Variants in TRHDE observed in about 807,000 individuals in gnomAD.
The protein encoded by TRHDE is thyrotropin-releasing hormone-degrading ectoenzyme.
A neutral mutation model predicts 125.7 loss-of-function variants in TRHDE; 72 were observed. That is an observed-to-expected ratio of 0.57 (90% CI 0.47 to 0.70). The LOEUF (loss-of-function observed/expected upper bound fraction) is 0.70, where lower values mean the gene tolerates loss of function less well. Among genes scored for constraint, TRHDE ranks in the 30% least tolerant of loss-of-function variants. The pLI, the probability that TRHDE is intolerant of heterozygous loss-of-function variation, is 0.00. For synonymous variants in TRHDE, 509 were observed against 509.1 expected (o/e 1.00, Z 0.00); for missense variants, 1,110 against 1,327.1 (o/e 0.84, Z 2.54).
At chr12:72,245,881 T>A (rs565950650) in intron 2 of TRHDE, among the ~76,000 whole-genome samples, 171 of 152,246 alleles carry the variant, frequency 1.1e-3, no homozygotes, top group African/African-American at 4.0e-3. Flanking sequence ...CACCTATATT[T>A]AGTCAAGGTA....
chr12:72,530,529 A>T (rs1203058140), intron 6 of TRHDE, among the ~76,000 whole-genome samples: 1 of 136,946 alleles, frequency 7.3e-6, no homozygotes, highest in Non-Finnish European at 1.5e-5. Context: ...AACTCCCAGG[A>T]CCTATTCTTC....
intron 1 of TRHDE, among the ~76,000 whole-genome samples, chr12:72,099,023 G>C (rs1038339146): frequency 2.0e-5 from 3 of 152,054 alleles, no homozygotes; most frequent in African/African-American, 4.8e-5. Context: ...AAATTTGCCG[G>C]GCATGGTGGT....
Position 72,665,861 on chromosome 12 carries a change from T to C in TRHDE, c.*2666T>C, listed in dbSNP as rs1032597630. The C allele has an allele frequency of 3.9e-5, 6 of 152,054 alleles. No individual in the cohort carries two copies. The highest frequency in any genetic ancestry group is 2.1e-4 in the South Asian group (1 of 4,838). The allele number at this position is 152,054 out of a possible 1,614,324, so 9.4% of individuals were successfully genotyped here. Reference sequence around the variant, plus strand: ...AAAAAGATTTCCCCATTTTTACACATTTTTTCTTAAAATTTTTCTATAATC... The same window carrying C: ...AAAAAGATTTCCCCATTTTTACACACTTTTTCTTAAAATTTTTCTATAATC... On this transcript the variant is annotated 3_prime_UTR_variant, in exon 19 of 19. Transcript: ENST00000261180.
intron 2 of TRHDE, among the ~76,000 whole-genome samples, chr12:72,116,455 G>T (rs1339400199): frequency 6.6e-6 from 1 of 152,096 alleles, no homozygotes; most frequent in African/African-American, 2.4e-5. Flanking sequence ...CACAATGGTT[G>T]AACTAATTTA....
chr12:72,247,173 C>T (rs1878590360), intron 2 of TRHDE, among the ~76,000 whole-genome samples: 1 of 152,052 alleles, frequency 6.6e-6, no homozygotes, highest in Admixed American at 6.5e-5. Context: ...ATCTAGATTA[C>T]TTACAATACC....
At chr12:72,230,015 ATGTGCTAGCAAGAGGGTCTC>A (rs1878216078) in intron 2 of TRHDE, among the ~76,000 whole-genome samples, 1 of 152,170 alleles carries the variant, frequency 6.6e-6, no homozygotes, top group Non-Finnish European at 1.5e-5. Flanking sequence ...CAGTCTCTAG[ATGTGCTAGCAAGAGGGTCTC>A]TGGTCTGCCA....
chr12:72,293,809 G>A (rs376984566), intron 2 of TRHDE, among the ~76,000 whole-genome samples: 24 of 152,230 alleles, frequency 1.6e-4, no homozygotes, highest in South Asian at 1.2e-3. Flanking sequence ...GGCTCATTTC[G>A]CCCACTTTGC....
intron 2 of TRHDE, among the ~76,000 whole-genome samples, chr12:72,317,584 A>G (rs1182730787): frequency 6.6e-6 from 1 of 152,124 alleles, no homozygotes; most frequent in Admixed American, 6.6e-5. Context: ...TTGTAAAGAC[A>G]CTAATCCCAT....
chr12:72,279,927 A>T (rs1879632281), intron 1 of TRHDE, among the ~76,000 whole-genome samples: 1 of 152,190 alleles, frequency 6.6e-6, no homozygotes, highest in Non-Finnish European at 1.5e-5. Context: ...AAAAAGAAAA[A>T]TCAGAGGATA....
At position 72,628,298 on chromosome 12, in the gene TRHDE, T is replaced by C. The variant is rs557402728; in HGVS notation, c.2675+6547T>C. 1.1e-3 allele frequency among the ~76,000 whole-genome samples: 167 copies of C among 151,968 alleles called. No individual in the cohort carries two copies. The Middle Eastern group carries it at 0.014, about 12-fold the overall frequency. ...TTTGACCTGTCAGTAAAAAGTTCACTTCCCTGCAGAATGGCAACTGAACTG... is the reference window on the plus strand; with the variant it reads ...TTTGACCTGTCAGTAAAAAGTTCACCTCCCTGCAGAATGGCAACTGAACTG... On this transcript the variant is annotated intron_variant, in intron 15 of 18. Transcript: ENST00000261180.
At chr12:72,243,146 G>T (rs1185099831) in intron 2 of TRHDE, among the ~76,000 whole-genome samples, 2 of 152,148 alleles carry the variant, frequency 1.3e-5, no homozygotes, top group South Asian at 2.1e-4. Flanking sequence ...AAAGAACCTG[G>T]TCTTTGATGA....
At chr12:72,300,688 C>T (rs1220764220) in intron 2 of TRHDE, among the ~76,000 whole-genome samples, 2 of 151,578 alleles carry the variant, frequency 1.3e-5, no homozygotes, top group Admixed American at 6.6e-5. Context: ...TATATACACA[C>T]ACAGTATATA....
At chr12:72,243,510 T>C (rs191072110) in intron 2 of TRHDE, among the ~76,000 whole-genome samples, 46 of 152,328 alleles carry the variant, frequency 3.0e-4, no homozygotes, top group Non-Finnish European at 1.3e-4. Context: ...TTGTTAATAA[T>C]TTTTATATTT....
Position 72,238,329 on chromosome 12 carries a change from T to C in TRHDE, n.279+132577T>C, listed in dbSNP as rs371583452. On this transcript the variant is annotated intron_variant and non_coding_transcript_variant, in intron 2 of 4. Coordinates refer to the TRHDE transcript ENST00000548156. The stretch of plus-strand genomic sequence containing the variant: ...ATATATATATATATATATACATATA[T>C]ATATACACATTATATATATATATAT... Among the ~76,000 whole-genome samples, 9 of 29,956 alleles carry C rather than the reference T, an allele frequency of 3.0e-4. 1 individual carries two copies. The highest frequency in any genetic ancestry group is 4.9e-4 in the Non-Finnish European group (7 of 14,254). 19.7% of individuals were successfully genotyped at this position (29,956 alleles called of 152,430 possible).
chr12:72,368,962 A>T (rs1314184854), intron 2 of TRHDE, among the ~76,000 whole-genome samples: 1 of 152,102 alleles, frequency 6.6e-6, no homozygotes, highest in African/African-American at 2.4e-5. Context: ...TGGTCTCAGG[A>T]TTCTTCCCAG....
intron 2 of TRHDE, among the ~76,000 whole-genome samples, chr12:72,292,524 A>G (rs1315104471): frequency 2.0e-5 from 3 of 152,250 alleles, no homozygotes; most frequent in African/African-American, 4.8e-5. Flanking sequence ...GGAAATCTCC[A>G]TAGCTAGAAA....
chr12:72,281,459 T>G (rs1879695372), intron 1 of TRHDE, among the ~76,000 whole-genome samples: 1 of 152,214 alleles, frequency 6.6e-6, no homozygotes. Context: ...ATTGAAACTT[T>G]TCTTTAGGTC....
At chr12:72,420,016 C>A (rs898305451) in intron 3 of TRHDE, among the ~76,000 whole-genome samples, 1 of 152,092 alleles carries the variant, frequency 6.6e-6, no homozygotes, top group Non-Finnish European at 1.5e-5. Flanking sequence ...AATAAAAACA[C>A]GTGAAATTTT....
intron 2 of TRHDE, among the ~76,000 whole-genome samples, chr12:72,119,456 A>G (rs1460533369): frequency 6.6e-6 from 1 of 152,218 alleles, no homozygotes; most frequent in Non-Finnish European, 1.5e-5. Flanking sequence ...GTGGCCTAAC[A>G]TATGGTCTAT....
Sources: allele counts gnomAD v4.1 joint callset (sites outside exome capture counted in the v4.1 genomes callset), GRCh38; gene constraint gnomAD v4.1.1; transcripts MANE v1.5; gene names NCBI Gene and HGNC (gene_info 2026-07-23, HGNC 2026-07-21).